Variants in COLEC10 observed in about 807,000 individuals in gnomAD.
COLEC10 encodes the protein collectin-10.
A neutral mutation model predicts 28.4 loss-of-function variants in COLEC10; 22 were observed. The ratio of observed to expected loss-of-function variants is 0.78; its 90% CI spans 0.55 to 1.11. The LOEUF (loss-of-function observed/expected upper bound fraction) is 1.11. COLEC10 is among the 50% of genes least tolerant of loss of function. COLEC10 has a pLI of 0.00. For missense variants in COLEC10, 361 were observed against 344.1 expected, an observed-to-expected ratio of 1.05 and a Z score of -0.39; for synonymous variants, 125 against 116.1, an observed-to-expected ratio of 1.08 and a Z score of -0.49.
chr8:119,010,333 G>T (rs1173361301), intron 2 of COLEC10, among the ~76,000 whole-genome samples: 1 of 150,746 alleles, frequency 6.6e-6, no homozygotes, highest in Non-Finnish European at 1.5e-5. Context: ...GTCTTTTAAT[G>T]TCTTGATAGC....
At chr8:118,984,041 T>C in the COLEC10 span, among the ~76,000 whole-genome samples, 1 of 148,472 alleles carries the variant, frequency 6.7e-6, no homozygotes, top group Admixed American at 6.6e-5. Flanking sequence ...AATGTATTAA[T>C]TGCAACACTA....
At chr8:118,956,413 C>A in the COLEC10 span, among the ~76,000 whole-genome samples, 2 of 152,196 alleles carry the variant, frequency 1.3e-5, no homozygotes, top group Non-Finnish European at 2.9e-5. Flanking sequence ...AACTGCAAAT[C>A]ACAGTCAAAT....
intron 1 of COLEC10, among the ~76,000 whole-genome samples, chr8:119,080,015 A>C (rs891557513): frequency 6.6e-6 from 1 of 152,166 alleles, no homozygotes; most frequent in African/African-American, 2.4e-5. Context: ...TTAATATTGA[A>C]AATGAAAACT....
intron 2 of COLEC10, among the ~76,000 whole-genome samples, chr8:119,019,671 C>A (rs371960947): frequency 1.6e-4 from 25 of 152,252 alleles, no homozygotes; most frequent in African/African-American, 5.5e-4. Context: ...GAACCTCCCC[C>A]ACTCCTTACT....
chr8:119,077,253 T>C (rs72682421), intron 1 of COLEC10, among the ~76,000 whole-genome samples: 10 of 112,040 alleles, frequency 8.9e-5, no homozygotes, highest in African/African-American at 3.5e-4. Context: ...ATTTTTTTTT[T>C]TTTTTTTTTT....
At chr8:118,986,921 G>A in the COLEC10 span, among the ~76,000 whole-genome samples, 1 of 152,088 alleles carries the variant, frequency 6.6e-6, no homozygotes. Flanking sequence ...ATGGGTAAGG[G>A]GATTTCTTTT....
chr8:119,065,179 T>C (rs1352889592), upstream of COLEC10, among the ~76,000 whole-genome samples: 1 of 152,170 alleles, frequency 6.6e-6, no homozygotes, highest in African/African-American at 2.4e-5. Flanking sequence ...TGGTATCGGT[T>C]TGTGGCCTGT....
chr8:118,952,901 G>A, the COLEC10 span, among the ~76,000 whole-genome samples: 1 of 152,106 alleles, frequency 6.6e-6, no homozygotes, highest in African/African-American at 2.4e-5. Context: ...TACAGTTCGC[G>A]GGTTGCCACT....
At chr8:119,049,988 A>G (rs1370786721) in intron 2 of COLEC10, among the ~76,000 whole-genome samples, 1 of 152,154 alleles carries the variant, frequency 6.6e-6, no homozygotes, top group East Asian at 1.9e-4. Flanking sequence ...ACTGAAGTTG[A>G]TTGCCTGTTC....
chr8:119,088,818 C>G (rs1476067103), intron 1 of COLEC10, among the ~76,000 whole-genome samples: 2 of 152,202 alleles, frequency 1.3e-5, no homozygotes, highest in African/African-American at 4.8e-5. Context: ...AAAACAGCAG[C>G]CATCATTGCT....
At chr8:118,991,354 G>A (rs888103036), upstream of COLEC10, among the ~76,000 whole-genome samples, 6 of 152,036 alleles carry the variant, frequency 3.9e-5, no homozygotes, top group South Asian at 2.1e-4. Flanking sequence ...TGTGAAGATC[G>A]AATGAGATAC....
intron 1 of COLEC10, among the ~76,000 whole-genome samples, chr8:119,082,361 AT>A (rs1815387054): frequency 6.6e-6 from 1 of 152,192 alleles, no homozygotes; most frequent in Non-Finnish European, 1.5e-5. Flanking sequence ...ATTTGACTGT[AT>A]TGTCATTAAG....
the COLEC10 span, among the ~76,000 whole-genome samples, chr8:118,989,664 T>G: frequency 1.3e-5 from 2 of 151,466 alleles, no homozygotes; most frequent in African/African-American, 4.9e-5. Flanking sequence ...CTTGAAAATT[T>G]TAAGATTATA....
At chr8:118,998,515 C>T (rs1187545048) in intron 1 of COLEC10, among the ~76,000 whole-genome samples, 1 of 151,954 alleles carries the variant, frequency 6.6e-6, no homozygotes, top group Non-Finnish European at 1.5e-5. Flanking sequence ...TGATTTTTTA[C>T]CATCTTGTGC....
At chr8:118,968,073 T>C in the COLEC10 span, among the ~76,000 whole-genome samples, 3 of 152,112 alleles carry the variant, frequency 2.0e-5, no homozygotes, top group Non-Finnish European at 4.4e-5. Context: ...ATTTAATTCA[T>C]CATCAAAATA....
intron 1 of COLEC10, among the ~76,000 whole-genome samples, chr8:119,087,206 C>G (rs192324993): frequency 1.9e-3 from 282 of 152,262 alleles, no homozygotes; most frequent in Non-Finnish European, 3.0e-3. Flanking sequence ...ACACCAGAGC[C>G]AGGCACTGTG....
the COLEC10 span, among the ~76,000 whole-genome samples, chr8:118,983,251 A>T: frequency 6.6e-6 from 1 of 152,294 alleles, no homozygotes; most frequent in African/African-American, 2.4e-5. Context: ...GGAATGCATA[A>T]AATCCTTCCC....
At position 119,048,441 on chromosome 8, in the gene COLEC10, A is replaced by G. The variant is rs189939580; in HGVS notation, n.235+38888A>G. On this transcript the variant is annotated intron_variant and non_coding_transcript_variant, in intron 2 of 6. Transcript: ENST00000521788. ...GATAATCTAACATTGTCAGTGGGACATTGACGCCTCCCACTGTTATTGTGT... is the reference window on the plus strand; with the variant it reads ...GATAATCTAACATTGTCAGTGGGACGTTGACGCCTCCCACTGTTATTGTGT... 2.6e-3 allele frequency among the ~76,000 whole-genome samples: 390 copies of G among 152,326 alleles called. 2 individuals carry two copies. The highest frequency in any genetic ancestry group is 9.1e-3 in the African/African-American group (377 of 41,580).
intron 2 of COLEC10, among the ~76,000 whole-genome samples, chr8:119,060,534 A>T (rs1814836156): frequency 6.6e-6 from 1 of 152,284 alleles, no homozygotes; most frequent in African/African-American, 2.4e-5. Context: ...ACATCTAGGG[A>T]TATCAGCCAT....
Sources: gnomAD v4.1 joint callset for allele counts (sites outside exome capture counted in the v4.1 genomes callset) on GRCh38, gnomAD v4.1.1 for gene constraint, MANE v1.5 for transcripts, NCBI Gene and HGNC (gene_info 2026-07-23, HGNC 2026-07-21) for gene names.